The following DPF3 variants were observed in gnomAD, a reference collection of about 807,000 sequenced individuals.
DPF3 encodes the protein zinc finger protein DPF3.
Under a neutral mutation model 56.8 loss-of-function variants are expected in DPF3, and 18 were observed. The observed-to-expected ratio is 0.32, with a 90% confidence interval of 0.22 to 0.47. DPF3 has a LOEUF of 0.47. DPF3 is among the 20% of genes least tolerant of loss of function. The pLI is 1.00. For synonymous variants in DPF3, 188 were observed against 180.2 expected (o/e 1.04, Z -0.35); for missense variants, 403 against 488.8 (o/e 0.82, Z 1.65).
At chr14:72,851,836 A>C (rs1348993089) in intron 1 of DPF3, among the ~76,000 whole-genome samples, 1 of 152,232 alleles carries the variant, frequency 6.6e-6, no homozygotes, top group African/African-American at 2.4e-5. Flanking sequence ...TATGCCCAGA[A>C]AGGCGGCCAA....
intron 6 of DPF3, among the ~76,000 whole-genome samples, chr14:72,710,586 T>C (rs1350197079): frequency 6.6e-6 from 1 of 152,226 alleles, no homozygotes; most frequent in East Asian, 1.9e-4. Context: ...TGCAGGCCCC[T>C]TGGCCTTCCC....
intron 2 of DPF3, among the ~76,000 whole-genome samples, chr14:72,767,593 A>G (rs969508779): frequency 1.2e-4 from 18 of 152,120 alleles, no homozygotes; most frequent in African/African-American, 4.1e-4. Flanking sequence ...CAAGCTGAGC[A>G]ACAGAGAGAA....
chr14:72,689,898 G>A (rs2803944), intron 7 of DPF3, among the ~76,000 whole-genome samples: 64,070 of 151,952 alleles, frequency 0.42, 15,304 homozygotes, highest in East Asian at 0.85. Context: ...CAGAGTTTTC[G>A]AGGAGGGCAC....
chr14:72,833,315 C>T (rs1216162160), intron 1 of DPF3, among the ~76,000 whole-genome samples: 1 of 152,132 alleles, frequency 6.6e-6, no homozygotes, highest in East Asian at 1.9e-4. Flanking sequence ...ACTAGGTAGA[C>T]GATGACAACA....
intron 1 of DPF3, among the ~76,000 whole-genome samples, chr14:72,857,785 C>T (rs886280387): frequency 1.9e-4 from 29 of 152,120 alleles, no homozygotes; most frequent in African/African-American, 6.3e-4. Context: ...GACGGCGTTT[C>T]ACCATGTTGG....
intron 9 of DPF3, among the ~76,000 whole-genome samples, chr14:72,624,598 C>CA (rs1235558976): frequency 6.6e-6 from 1 of 152,230 alleles, no homozygotes; most frequent in Non-Finnish European, 1.5e-5. Context: ...CTCAGCCTCC[C>CA]AAAGTGCTGG....
intron 1 of DPF3, among the ~76,000 whole-genome samples, chr14:72,889,890 A>G (rs1048331034): frequency 6.6e-6 from 1 of 152,252 alleles, no homozygotes; most frequent in Non-Finnish European, 1.5e-5. Flanking sequence ...AATCACGTAT[A>G]TGTGTGTGTT....
intron 1 of DPF3, among the ~76,000 whole-genome samples, chr14:72,824,101 T>G (rs1285955761): frequency 1.3e-5 from 2 of 152,128 alleles, no homozygotes; most frequent in Non-Finnish European, 2.9e-5. Context: ...CACTGGAAGC[T>G]TATCTACCTT....
At chr14:72,804,180 GAC>G (rs545355128) in intron 1 of DPF3, among the ~76,000 whole-genome samples, 12,719 of 132,728 alleles carry the variant, frequency 0.096, 520 homozygotes, top group South Asian at 0.18. Flanking sequence ...TGCTTTCCAG[GAC>G]ACACACACAC....
At chr14:72,753,402 G>T (rs773682547) in intron 2 of DPF3, 31 bp from the exon 3 acceptor site, 1 of 1,560,278 alleles carries the variant, frequency 6.4e-7, no homozygotes, top group Non-Finnish European at 8.7e-7. Context: ...AAGATTAAAG[G>T]CTCCAGGCTG....
intron 3 of DPF3, among the ~76,000 whole-genome samples, chr14:72,738,291 G>A (rs544262309): frequency 7.2e-5 from 11 of 152,090 alleles, no homozygotes; most frequent in African/African-American, 2.4e-4. Flanking sequence ...GGTTCACATT[G>A]AGGACCCATC....
At chr14:72,645,079 T>C (rs1268301577) in intron 8 of DPF3, among the ~76,000 whole-genome samples, 2 of 152,174 alleles carry the variant, frequency 1.3e-5, no homozygotes, top group Non-Finnish European at 2.9e-5. Flanking sequence ...ACTATTAAGC[T>C]GAATAGGTTA....
chr14:72,828,389 A>T (rs1177805363), intron 1 of DPF3, among the ~76,000 whole-genome samples: 1 of 151,918 alleles, frequency 6.6e-6, no homozygotes, highest in East Asian at 1.9e-4. Flanking sequence ...AAAGATTATC[A>T]TGGGCCAGGT....
intron 8 of DPF3, among the ~76,000 whole-genome samples, chr14:72,636,586 G>A (rs921207627): frequency 1.8e-4 from 28 of 152,158 alleles, no homozygotes; most frequent in Non-Finnish European, 1.2e-4. Context: ...GGAAAGGGAT[G>A]GACCAATTCT....
At chr14:72,884,691 C>A (rs923402112) in intron 1 of DPF3, among the ~76,000 whole-genome samples, 1 of 151,582 alleles carries the variant, frequency 6.6e-6, no homozygotes, top group Non-Finnish European at 1.5e-5. Context: ...CATCTCCATC[C>A]ACCTAGGAAG....
intron 1 of DPF3, among the ~76,000 whole-genome samples, chr14:72,814,114 T>G (rs1048975919): frequency 9.9e-5 from 15 of 152,162 alleles, no homozygotes; most frequent in East Asian, 1.9e-4. Flanking sequence ...ACCCTCCATG[T>G]TGCAGGCGAC....
Position 72,717,558 on chromosome 14 carries a change from T to C in DPF3, c.526-3057A>G, listed in dbSNP as rs144120373. Among the ~76,000 whole-genome samples, 75 of 152,344 alleles carry C rather than the reference T, an allele frequency of 4.9e-4. 1 individual carries two copies. Among genetic ancestry groups the C allele is most frequent in the African/African-American group, 1.7e-3 (72 of 41,586 alleles). On this transcript the variant is annotated intron_variant, in intron 5 of 10. Transcript: ENST00000556509. Reference sequence around the variant, plus strand: ...TGGGTATTAGCATCTTCTTCCCAGTTTGATTCGAAGGTCCTTGAGGGCAAA... The same window carrying C: ...TGGGTATTAGCATCTTCTTCCCAGTCTGATTCGAAGGTCCTTGAGGGCAAA...
intron 9 of DPF3, among the ~76,000 whole-genome samples, chr14:72,622,996 G>A (rs748919941): frequency 2.0e-5 from 3 of 152,218 alleles, no homozygotes; most frequent in Non-Finnish European, 4.4e-5. Context: ...GCAGCTGTAG[G>A]AAGGAATGAA....
At chr14:72,884,644 C>T (rs1886444389) in intron 1 of DPF3, among the ~76,000 whole-genome samples, 1 of 151,852 alleles carries the variant, frequency 6.6e-6, no homozygotes, top group Non-Finnish European at 1.5e-5. Context: ...ATCCTGTCAT[C>T]ACCGTGCTTC....
Sources: gnomAD v4.1 joint callset for allele counts (sites outside exome capture counted in the v4.1 genomes callset) on GRCh38, gnomAD v4.1.1 for gene constraint, MANE v1.5 for transcripts, NCBI Gene and HGNC (gene_info 2026-07-23, HGNC 2026-07-21) for gene names.